SENP2: variants seen among roughly 807,000 people sequenced by gnomAD.
The protein encoded by SENP2 is sentrin-specific protease 2.
Under a neutral mutation model 86.3 loss-of-function variants are expected in SENP2, and 16 were observed. That is an observed-to-expected ratio of 0.19 (90% confidence interval 0.13 to 0.28). The LOEUF is 0.28. SENP2 is among the 10% of genes least tolerant of loss of function. SENP2 has a pLI of 1.00. For synonymous variants in SENP2, 222 were observed against 238.7 expected (o/e 0.93, Z 0.64); for missense variants, 552 against 703.0 (o/e 0.79, Z 2.43).
chr3:185,606,829 CGTT>C (rs1722530601), intron 6 of SENP2: 3 of 509,232 alleles, frequency 5.9e-6, no homozygotes, highest in Non-Finnish European at 7.6e-6. Context: ...AGCAGAAAAT[CGTT>C]GTGAAAGTAT....
chr3:185,592,114 T>C (rs1222014633), intron 2 of SENP2, among the ~76,000 whole-genome samples: 1 of 145,774 alleles, frequency 6.9e-6, no homozygotes, highest in East Asian at 2.2e-4. Flanking sequence ...GGTATCACTG[T>C]GTTGCCCAGG....
At chr3:185,619,777 G>A (rs1018525301) in intron 13 of SENP2, among the ~76,000 whole-genome samples, 5 of 151,884 alleles carry the variant, frequency 3.3e-5, no homozygotes, top group Non-Finnish European at 7.4e-5. Context: ...GCCCAGGCTG[G>A]AGTGAACTGG....
In SENP2 at chr3:185,623,826, C is replaced by CAA. The variant is rs63707460; in HGVS notation, c.1527-149_1527-148dup. ...TGGGCGACAGAGCGAGACTCTGTCT[C>CAA]AAAAAAAAAAAAAAAAAAAAAAAAT... On this transcript the variant is annotated intron_variant, in intron 14 of 16. Coordinates refer to ENST00000296257, the MANE Select transcript of SENP2 (RefSeq NM_021627.3). Among the ~76,000 whole-genome samples, 159 of 47,348 alleles carry CAA rather than the reference C, an allele frequency of 3.4e-3. 6 individuals are homozygous for CAA. The highest frequency in any genetic ancestry group is 9.4e-3 in the Middle Eastern group (1 of 106). The allele number at this position is 47,348 out of a possible 152,430, so 31.1% of individuals were successfully genotyped here. A position where few individuals can be genotyped will look rare whatever the true frequency, so the allele number is the denominator to read the frequency against.
chr3:185,598,897 T>C (rs1466246566), intron 3 of SENP2, 61 bp from the exon 4 acceptor site: 1 of 1,311,042 alleles, frequency 7.6e-7, no homozygotes, highest in Non-Finnish European at 1.1e-6. Flanking sequence ...CTTTTCATAA[T>C]AGAAAGTTAT....
At chr3:185,588,921 C>T (rs1024217600) in intron 1 of SENP2, among the ~76,000 whole-genome samples, 2 of 152,136 alleles carry the variant, frequency 1.3e-5, no homozygotes, top group African/African-American at 4.8e-5. Context: ...CGATCAAAAC[C>T]TTGATCTTTA....
At chr3:185,605,141 G>A (rs931952420) in intron 5 of SENP2, among the ~76,000 whole-genome samples, 4 of 150,806 alleles carry the variant, frequency 2.7e-5, no homozygotes, top group Non-Finnish European at 3.0e-5. Flanking sequence ...AGGCTGAAGC[G>A]CGTGGATCAC....
intron 2 of SENP2, among the ~76,000 whole-genome samples, chr3:185,594,672 T>A (rs1475308266): frequency 1.3e-5 from 2 of 148,546 alleles, no homozygotes; most frequent in African/African-American, 5.0e-5. Context: ...CAGGCTGGAG[T>A]GCAGTGGCAC....
intron 16 of SENP2, among the ~76,000 whole-genome samples, chr3:185,627,097 A>T (rs1046309736): frequency 1.3e-4 from 20 of 151,738 alleles, no homozygotes; most frequent in African/African-American, 4.8e-4. Context: ...AAAAAAAAAA[A>T]AAAAAAAAAA....
At chr3:185,609,513 C>T (rs967541660) in intron 7 of SENP2, among the ~76,000 whole-genome samples, 163 bp downstream of exon 7, 1 of 152,114 alleles carries the variant, frequency 6.6e-6, no homozygotes, top group South Asian at 2.1e-4. Flanking sequence ...TAATATGTAA[C>T]AGTGGTTTTG....
At chr3:185,605,643 G>T (rs888051139) in intron 5 of SENP2, among the ~76,000 whole-genome samples, 8 of 147,536 alleles carry the variant, frequency 5.4e-5, no homozygotes, top group East Asian at 2.0e-4. Context: ...ATTTACTGAT[G>T]ATTTGTTTCA....
In SENP2 at chr3:185,613,339, C is replaced by T. The variant is rs1312331303; in HGVS notation, c.870-6C>T. 6.5e-7 allele frequency: 1 copy of T among 1,536,152 alleles called. No homozygotes were observed. The highest frequency in any genetic ancestry group is 1.2e-5 in the South Asian group (1 of 86,134). The stretch of plus-strand genomic sequence containing the variant: ...AAGTCTATCATCTCTCAATTTTTTT[C>T]CTTAGGTGTTCAAAGGGGAAAATTA... On this transcript the variant is annotated splice_polypyrimidine_tract_variant and splice_region_variant and intron_variant, in intron 9 of 16. Transcript: ENST00000296257.
intron 16 of SENP2, among the ~76,000 whole-genome samples, chr3:185,628,427 A>G (rs1712247497): frequency 1.3e-5 from 2 of 151,248 alleles, no homozygotes; most frequent in Non-Finnish European, 3.0e-5. Flanking sequence ...ATGTGCCACC[A>G]CGCCCGGTGA....
intron 2 of SENP2, 115 bp from the exon 3 acceptor site, chr3:185,598,297 C>T (rs1722240007): frequency 1.7e-6 from 2 of 1,146,622 alleles, no homozygotes; most frequent in Non-Finnish European, 2.5e-6. Flanking sequence ...TGAGCCACCA[C>T]ACCCAGCAAA....
Position 185,611,636 on chromosome 3 carries a change from T to G in SENP2, c.723-15T>G, listed in dbSNP as rs1270820642. The stretch of plus-strand genomic sequence containing the variant: ...GCTTTTGTATCTGATCTCCCTCACT[T>G]TTTGTGTTTCTAAGTTCTCAAAGAA... On this transcript the variant is annotated splice_polypyrimidine_tract_variant and intron_variant, in intron 7 of 16. Coordinates refer to ENST00000296257, the MANE Select transcript of SENP2 (RefSeq NM_021627.3). The G allele has an allele frequency of 6.3e-7, 1 of 1,588,032 alleles. No homozygotes were observed. The highest frequency in any genetic ancestry group is 1.1e-5 in the South Asian group (1 of 90,484).
chr3:185,587,732 ATT>A (rs59565990), intron 1 of SENP2, among the ~76,000 whole-genome samples: 14 of 73,014 alleles, frequency 1.9e-4, no homozygotes, highest in South Asian at 1.2e-3. Flanking sequence ...ATGCCCGGCT[ATT>A]TTTTTTTTTT....
intron 4 of SENP2, among the ~76,000 whole-genome samples, chr3:185,599,282 A>C (rs561998890): frequency 3.9e-5 from 6 of 152,198 alleles, no homozygotes; most frequent in Non-Finnish European, 7.3e-5. Flanking sequence ...TTAAAAAAAA[A>C]CAAAAAAGCA....
chr3:185,598,759 C>T (rs1442147791), intron 3 of SENP2, among the ~76,000 whole-genome samples, 199 bp from the exon 4 acceptor site: 1 of 152,062 alleles, frequency 6.6e-6, no homozygotes, highest in African/African-American at 2.4e-5. Flanking sequence ...ATTACATATG[C>T]TTTCTTATTT....
intron 16 of SENP2, among the ~76,000 whole-genome samples, chr3:185,629,017 G>C (rs1560203996): frequency 6.6e-6 from 1 of 152,128 alleles, no homozygotes; most frequent in Admixed American, 6.6e-5. Context: ...GATTTTAAAG[G>C]GAGAAGTTGC....
intron 11 of SENP2, among the ~76,000 whole-genome samples, chr3:185,616,555 C>T (rs1273290980): frequency 1.3e-5 from 2 of 151,478 alleles, no homozygotes; most frequent in Non-Finnish European, 2.9e-5. Context: ...ATGGGCAGAT[C>T]ACGAGGTCAG....
Sources: gnomAD v4.1 joint callset for allele counts (sites outside exome capture counted in the v4.1 genomes callset) on GRCh38, gnomAD v4.1.1 for gene constraint, MANE v1.5 for transcripts, NCBI Gene and HGNC (gene_info 2026-07-23, HGNC 2026-07-21) for gene names.